The following ZRANB3 variants were observed in gnomAD, a reference collection of about 807,000 sequenced individuals.
ZRANB3 encodes the protein zinc finger RANBP2-type containing 3, also known as DNA annealing helicase and endonuclease ZRANB3.
Under a neutral mutation model 133.8 loss-of-function variants are expected in ZRANB3, and 125 were observed. The ratio of observed to expected loss-of-function variants is 0.93; its 90% CI spans 0.81 to 1.08. The LOEUF (loss-of-function observed/expected upper bound fraction) is 1.08, where lower values mean the gene tolerates loss of function less well. Among genes scored for constraint, ZRANB3 ranks in the 50% least tolerant of loss-of-function variants. The probability of loss-of-function intolerance (pLI) is 0.00; values close to 1 mark genes in which losing one functional copy is unlikely to be tolerated. For synonymous variants in ZRANB3, 387 were observed against 432.7 expected (o/e 0.89, Z 1.31); for missense variants, 1,229 against 1,275.5 (o/e 0.96, Z 0.56).
chr2:135,236,074 G>A (rs1325692294), intron 12 of ZRANB3, among the ~76,000 whole-genome samples: 3 of 152,240 alleles, frequency 2.0e-5, no homozygotes, highest in South Asian at 2.1e-4. Context: ...TAAGCCGATA[G>A]GCAACTTCAG....
intron 2 of ZRANB3, among the ~76,000 whole-genome samples, chr2:135,455,410 A>G (rs1690466023): frequency 6.6e-6 from 1 of 150,438 alleles, no homozygotes; most frequent in Non-Finnish European, 1.5e-5. Context: ...ATGGTTTTGA[A>G]TCCCTGACTT....
chr2:135,397,447 C>CAAAAAA (rs373434643), intron 2 of ZRANB3, among the ~76,000 whole-genome samples: 1 of 116,810 alleles, frequency 8.6e-6, no homozygotes, highest in East Asian at 2.2e-4. Context: ...GACCCTGACT[C>CAAAAAA]AAAAAAAAAA....
chr2:135,315,382 C>A lies in ZRANB3; in HGVS notation c.826G>T (p.Asp276Tyr). The change falls in exon 7 of 21, where the codon GAT (aspartate) becomes TAT (tyrosine). Residue 276 changes from aspartate (D) to tyrosine (Y), a missense_variant. By Grantham distance (160) the Asp-to-Tyr change is radical. Transcript: ENST00000264159. ...PPKVRQRIPF[D>Y]LPSAAAKELN... ...ACCTTGGCAGCTGCTGATGGAAGATCAAATGGAATACGCTGTCTGACTTTA... is the reference window on the plus strand; with the variant it reads ...ACCTTGGCAGCTGCTGATGGAAGATAAAATGGAATACGCTGTCTGACTTTA... 6.3e-7 allele frequency: 1 copy of A among 1,577,040 alleles called. No individual in the cohort carries two copies. Among genetic ancestry groups the A allele is most frequent in the East Asian group, 2.3e-5 (1 of 43,388 alleles).
chr2:135,421,562 T>C (rs1688842896), intron 2 of ZRANB3, among the ~76,000 whole-genome samples: 1 of 152,216 alleles, frequency 6.6e-6, no homozygotes, highest in South Asian at 2.1e-4. Flanking sequence ...TCTTTCTCAC[T>C]GTTGACTCCT....
intron 6 of ZRANB3, among the ~76,000 whole-genome samples, chr2:135,341,897 C>T (rs541791054): frequency 4.0e-5 from 6 of 149,974 alleles, no homozygotes; most frequent in Admixed American, 2.0e-4. Context: ...CTCTTGAACC[C>T]TGTTAAGATG....
At chr2:135,295,857 G>C (rs1293280598) in intron 8 of ZRANB3, among the ~76,000 whole-genome samples, 1 of 152,184 alleles carries the variant, frequency 6.6e-6, no homozygotes, top group Non-Finnish European at 1.5e-5. Context: ...GGCTGGATAT[G>C]AAATTCTGGG....
intron 1 of ZRANB3, among the ~76,000 whole-genome samples, chr2:135,528,726 G>A (rs1694266323): frequency 6.6e-6 from 1 of 152,014 alleles, no homozygotes; most frequent in South Asian, 2.1e-4. Context: ...TAAAAAGCAA[G>A]AGACAACACT....
intron 6 of ZRANB3, among the ~76,000 whole-genome samples, chr2:135,316,779 A>C (rs1449977660): frequency 6.6e-6 from 1 of 151,974 alleles, no homozygotes; most frequent in Non-Finnish European, 1.5e-5. Context: ...CATCCTGGCC[A>C]ACATAGTGAG....
chr2:135,305,504 TTA>T (rs1296686804), intron 8 of ZRANB3, among the ~76,000 whole-genome samples: 1 of 152,262 alleles, frequency 6.6e-6, no homozygotes, highest in Non-Finnish European at 1.5e-5. Flanking sequence ...ACATTTAACG[TTA>T]TGTTTTACAT....
chr2:135,403,840 AG>A (rs1687866198), intron 2 of ZRANB3, among the ~76,000 whole-genome samples: 1 of 152,242 alleles, frequency 6.6e-6, no homozygotes, highest in Admixed American at 6.5e-5. Context: ...CCAGGCAAAC[AG>A]GGCCTGGAGT....
chr2:135,420,011 T>G (rs1269581893), intron 2 of ZRANB3, among the ~76,000 whole-genome samples: 1 of 149,732 alleles, frequency 6.7e-6, no homozygotes, highest in Non-Finnish European at 1.5e-5. Flanking sequence ...TACATATATA[T>G]GTACCTTTAA....
rs751298111 is a variant in ZRANB3 at position 135,442,552 on chromosome 2, G to GC, written c.162-51733dup. 1.1e-4 allele frequency among the ~76,000 whole-genome samples: 16 copies of GC among 152,288 alleles called. No individual in the cohort carries two copies. The East Asian group carries it at 1.2e-3, about 11-fold the overall frequency. ...ATTAAAAAGTCAGGAAACAACACATGCTGGAGAGGATGTGGAGAAACAGGA... is the reference window on the plus strand; with the variant it reads ...ATTAAAAAGTCAGGAAACAACACATGCCTGGAGAGGATGTGGAGAAACAGGA... On this transcript the variant is annotated intron_variant, in intron 2 of 20. Coordinates refer to ENST00000264159, the MANE Select transcript of ZRANB3 (RefSeq NM_032143.4).
intron 2 of ZRANB3, among the ~76,000 whole-genome samples, chr2:135,393,600 C>T (rs1262056883): frequency 6.6e-6 from 1 of 152,086 alleles, no homozygotes; most frequent in Non-Finnish European, 1.5e-5. Flanking sequence ...GGAAATTTCT[C>T]TGGGCTGGCT....
intron 2 of ZRANB3, among the ~76,000 whole-genome samples, chr2:135,437,078 G>A (rs1251953058): frequency 2.6e-5 from 4 of 152,246 alleles, no homozygotes; most frequent in East Asian, 1.9e-4. Context: ...TCCTGCCTCC[G>A]CTTCCTAAGT....
At chr2:135,295,189 C>T (rs893986792) in intron 8 of ZRANB3, among the ~76,000 whole-genome samples, 5 of 152,044 alleles carry the variant, frequency 3.3e-5, no homozygotes, top group Non-Finnish European at 7.4e-5. Context: ...TTAAAGTCTC[C>T]CATTATTATT....
intron 6 of ZRANB3, among the ~76,000 whole-genome samples, chr2:135,328,311 T>C (rs1369839726): frequency 6.7e-6 from 1 of 149,236 alleles, no homozygotes; most frequent in Non-Finnish European, 1.5e-5. Flanking sequence ...TGAGAACATG[T>C]GGTGTTTGGT....
chr2:135,208,772 G>T, intron 18 of ZRANB3, 96 bp downstream of exon 18: 2 of 1,034,032 alleles, frequency 1.9e-6, no homozygotes, highest in South Asian at 3.1e-5. Flanking sequence ...CCTCTAAAGT[G>T]GTCATGCAAA....
At chr2:135,526,852 T>TAAAAA (rs775670360) in intron 1 of ZRANB3, among the ~76,000 whole-genome samples, 106 of 152,272 alleles carry the variant, frequency 7.0e-4, no homozygotes, top group Non-Finnish European at 6.3e-4. Context: ...CTCTGTACAA[T>TAAAAA]AAAACTTGGT....
intron 6 of ZRANB3, among the ~76,000 whole-genome samples, chr2:135,322,725 A>C (rs1344732980): frequency 6.6e-6 from 1 of 151,998 alleles, no homozygotes; most frequent in Non-Finnish European, 1.5e-5. Flanking sequence ...CTCTTAAAAA[A>C]ATTTTTGTTG....
Sources: allele counts gnomAD v4.1 joint callset (sites outside exome capture counted in the v4.1 genomes callset), GRCh38; gene constraint gnomAD v4.1.1; transcripts MANE v1.5; gene names NCBI Gene and HGNC (gene_info 2026-07-23, HGNC 2026-07-21).